The following UNC5C variants were observed in gnomAD, a reference collection of about 807,000 sequenced individuals.
The protein encoded by UNC5C is unc-5 netrin receptor C.
Under a neutral mutation model 99.8 loss-of-function variants are expected in UNC5C, and 47 were observed. The observed-to-expected ratio is 0.47, with a 90% confidence interval of 0.37 to 0.60. UNC5C has a LOEUF of 0.60. Among genes scored for constraint, UNC5C ranks in the 20% least tolerant of loss-of-function variants. The pLI is 0.00. For synonymous variants in UNC5C, 487 were observed against 452.2 expected (o/e 1.08, Z -0.98); for missense variants, 1,062 against 1,165.9 (o/e 0.91, Z 1.30).
rs921437788 is a variant in UNC5C at position 95,334,367 on chromosome 4, C to T, written c.346+1043G>A. The stretch of plus-strand genomic sequence containing the variant: ...TATCCATTTTGGTTCAGAGAGATAT[C>T]TAGTAAGGGTAAAAAAGATATTTAA... On this transcript the variant is annotated intron_variant, in intron 2 of 15. Coordinates refer to ENST00000453304, the MANE Select transcript of UNC5C (RefSeq NM_003728.4). 2.6e-5 allele frequency among the ~76,000 whole-genome samples: 4 copies of T among 151,788 alleles called. 1 individual carries two copies. In the Admixed American group the frequency reaches 2.6e-4, roughly 10 times the overall value.
intron 1 of UNC5C, among the ~76,000 whole-genome samples, chr4:95,351,065 C>T (rs755299934): frequency 6.6e-6 from 1 of 152,102 alleles, no homozygotes; most frequent in East Asian, 1.9e-4. Flanking sequence ...AGATTCTCCT[C>T]CCCGCAATGT....
At chr4:95,497,527 C>T (rs1304112421) in intron 1 of UNC5C, among the ~76,000 whole-genome samples, 1 of 151,860 alleles carries the variant, frequency 6.6e-6, no homozygotes, top group African/African-American at 2.4e-5. Flanking sequence ...TGCTGGTCTT[C>T]ACGCTGTGTA....
At chr4:95,316,379 G>T (rs1222114293) in intron 2 of UNC5C, among the ~76,000 whole-genome samples, 1 of 152,064 alleles carries the variant, frequency 6.6e-6, no homozygotes, top group Non-Finnish European at 1.5e-5. Context: ...TTGGAGTGTG[G>T]ACCCAACCCC....
intron 4 of UNC5C, among the ~76,000 whole-genome samples, chr4:95,270,884 G>A (rs1740635543): frequency 6.6e-6 from 1 of 152,170 alleles, no homozygotes. Context: ...CTATAAACTT[G>A]CCTTTCAGGA....
chr4:95,447,156 T>C (rs897668440), intron 1 of UNC5C, among the ~76,000 whole-genome samples: 1 of 152,180 alleles, frequency 6.6e-6, no homozygotes, highest in Non-Finnish European at 1.5e-5. Flanking sequence ...TAGTAAAAAA[T>C]TGAAGAGCTA....
chr4:95,203,054 C>T (rs1470343257), intron 11 of UNC5C, 90 bp from the exon 12 acceptor site: 11 of 1,154,400 alleles, frequency 9.5e-6, no homozygotes, highest in Non-Finnish European at 1.3e-6. Context: ...TAGAGCAGGA[C>T]CTATCCTTTA....
At chr4:95,302,956 G>A (rs1454122903) in intron 2 of UNC5C, among the ~76,000 whole-genome samples, 1 of 152,104 alleles carries the variant, frequency 6.6e-6, no homozygotes, top group East Asian at 1.9e-4. Flanking sequence ...GAATGAGTGT[G>A]AGTAATCAGG....
At chr4:95,337,789 T>C (rs1218639411) in intron 1 of UNC5C, among the ~76,000 whole-genome samples, 1 of 152,014 alleles carries the variant, frequency 6.6e-6, no homozygotes, top group African/African-American at 2.4e-5. Flanking sequence ...TTAAGGAAGA[T>C]TTCTATCATT....
intron 4 of UNC5C, among the ~76,000 whole-genome samples, chr4:95,258,922 C>T (rs1332523048): frequency 4.0e-5 from 6 of 149,822 alleles, no homozygotes; most frequent in African/African-American, 1.5e-4. Context: ...CCACTGCGCC[C>T]GGCTAATTTT....
chr4:95,470,427 C>A (rs1052996177), intron 1 of UNC5C, among the ~76,000 whole-genome samples: 2 of 151,964 alleles, frequency 1.3e-5, no homozygotes, highest in South Asian at 2.1e-4. Flanking sequence ...GTTACCTGGT[C>A]GACAGAGAAT....
chr4:95,418,366 G>T (rs561681801), intron 1 of UNC5C, among the ~76,000 whole-genome samples: 1 of 152,232 alleles, frequency 6.6e-6, no homozygotes, highest in African/African-American at 2.4e-5. Context: ...TTTTCACTTT[G>T]ATTCATTGAC....
chr4:95,548,623 T>C, intron 1 of UNC5C, 111 bp downstream of exon 1: 2 of 1,362,710 alleles, frequency 1.5e-6, no homozygotes, highest in Non-Finnish European at 1.9e-6. Context: ...TGGTTTCCAG[T>C]TGAAAGCAAC....
intron 12 of UNC5C, among the ~76,000 whole-genome samples, chr4:95,198,952 G>GTATT (rs1737543330): frequency 6.6e-6 from 1 of 152,140 alleles, no homozygotes. Flanking sequence ...AACCCAGGGA[G>GTATT]TATTAAGAAA....
At position 95,297,216 on chromosome 4, in the gene UNC5C, T is replaced by C. The variant is rs190254557; in HGVS notation, c.490+4390A>G. ...GTCAATTTCTCCCTCTGCCCAACCA[T>C]TGCCTTTATTCCTCCACCTGATATC... On this transcript the variant is annotated intron_variant, in intron 3 of 15. Coordinates refer to ENST00000453304, the MANE Select transcript of UNC5C (RefSeq NM_003728.4). 1.4e-3 allele frequency among the ~76,000 whole-genome samples: 217 copies of C among 152,260 alleles called. 1 individual carries two copies. The highest frequency in any genetic ancestry group is 1.9e-3 in the Non-Finnish European group (129 of 68,024).
intron 1 of UNC5C, among the ~76,000 whole-genome samples, chr4:95,497,176 T>C (rs572176026): frequency 6.6e-6 from 1 of 152,060 alleles, no homozygotes; most frequent in African/African-American, 2.4e-5. Context: ...TTATTTTTCT[T>C]TGGGTAGATA....
chr4:95,315,156 G>A (rs1742426427), intron 2 of UNC5C, among the ~76,000 whole-genome samples: 1 of 151,950 alleles, frequency 6.6e-6, no homozygotes, highest in Non-Finnish European at 1.5e-5. Context: ...TTATTCAATA[G>A]GTATTTACTG....
intron 1 of UNC5C, among the ~76,000 whole-genome samples, chr4:95,466,934 G>A (rs1326122076): frequency 1.3e-5 from 2 of 152,242 alleles, no homozygotes; most frequent in African/African-American, 2.4e-5. Flanking sequence ...GCTTTAGAGA[G>A]TGGGTAATAA....
chr4:95,278,814 T>A (rs1740953046), intron 3 of UNC5C, among the ~76,000 whole-genome samples: 1 of 152,154 alleles, frequency 6.6e-6, no homozygotes, highest in South Asian at 2.1e-4. Context: ...TGTTAGCACT[T>A]TACTATAATC....
At chr4:95,283,026 T>C (rs1741116355) in intron 3 of UNC5C, among the ~76,000 whole-genome samples, 1 of 152,030 alleles carries the variant, frequency 6.6e-6, no homozygotes, top group African/African-American at 2.4e-5. Flanking sequence ...GGCCTTCATT[T>C]TGGGGTATTG....
Sources: gnomAD v4.1 joint callset for allele counts (sites outside exome capture counted in the v4.1 genomes callset) on GRCh38, gnomAD v4.1.1 for gene constraint, MANE v1.5 for transcripts, NCBI Gene and HGNC (gene_info 2026-07-23, HGNC 2026-07-21) for gene names.